Variants in PIK3C2G observed in about 807,000 individuals in gnomAD.
PIK3C2G encodes the protein phosphatidylinositol-4-phosphate 3-kinase catalytic subunit type 2 gamma, also known as phosphatidylinositol 3-kinase C2 domain-containing subunit gamma.
In PIK3C2G, 168 loss-of-function variants were observed where a neutral mutation model predicts 181.1. The ratio of observed to expected loss-of-function variants is 0.93; its 90% CI spans 0.82 to 1.05. PIK3C2G has a LOEUF of 1.05. PIK3C2G is among the 50% of genes least tolerant of loss of function. The probability of loss-of-function intolerance (pLI) is 0.00; values close to 1 mark genes in which losing one functional copy is unlikely to be tolerated. For synonymous variants in PIK3C2G, 573 were observed against 592.2 expected (o/e 0.97, Z 0.47); for missense variants, 1,869 against 1,732.8 (o/e 1.08, Z -1.40).
intron 1 of PIK3C2G, among the ~76,000 whole-genome samples, chr12:18,275,451 G>T (rs577788786): frequency 6.6e-6 from 1 of 151,930 alleles, no homozygotes; most frequent in Non-Finnish European, 1.5e-5. Context: ...ACATGATCTC[G>T]ACTCAGTGCA....
At chr12:18,442,470 G>T (rs1215579626) in intron 18 of PIK3C2G, among the ~76,000 whole-genome samples, 1 of 151,942 alleles carries the variant, frequency 6.6e-6, no homozygotes, top group Non-Finnish European at 1.5e-5. Context: ...CTCAAGGAAA[G>T]AAAAATAAAA....
chr12:18,469,034 T>C (rs958595184), intron 18 of PIK3C2G, among the ~76,000 whole-genome samples: 1 of 152,098 alleles, frequency 6.6e-6, no homozygotes, highest in Non-Finnish European at 1.5e-5. Flanking sequence ...TAATCCATCT[T>C]TGCAGCAAAA....
chr12:18,440,920 C>T (rs1021888441), intron 18 of PIK3C2G, among the ~76,000 whole-genome samples: 6 of 151,968 alleles, frequency 3.9e-5, no homozygotes, highest in South Asian at 2.1e-4. Flanking sequence ...AGAAAATTAT[C>T]AACATATACG....
At chr12:18,624,445 G>C (rs1949002248) in intron 31 of PIK3C2G, among the ~76,000 whole-genome samples, 1 of 151,670 alleles carries the variant, frequency 6.6e-6, no homozygotes, top group African/African-American at 2.4e-5. Flanking sequence ...GTATTTTGTT[G>C]AGGATTTTCA....
At chr12:18,528,452 A>G (rs1943364141) in intron 24 of PIK3C2G, among the ~76,000 whole-genome samples, 1 of 152,186 alleles carries the variant, frequency 6.6e-6, no homozygotes, top group South Asian at 2.1e-4. Context: ...GTTAATAATA[A>G]AAACAAAATG....
chr12:18,340,618 T>G (rs2137614977), intron 9 of PIK3C2G, among the ~76,000 whole-genome samples: 1 of 152,282 alleles, frequency 6.6e-6, no homozygotes, highest in Admixed American at 6.5e-5. Flanking sequence ...CAAGAGCTGA[T>G]AAAATACATG....
At chr12:18,583,591 A>G (rs926091668) in intron 29 of PIK3C2G, among the ~76,000 whole-genome samples, 1 of 152,116 alleles carries the variant, frequency 6.6e-6, no homozygotes, top group African/African-American at 2.4e-5. Flanking sequence ...CCAGACCCCC[A>G]GCACAGAGCA....
chr12:18,461,685 A>G (rs1185909266), intron 18 of PIK3C2G, among the ~76,000 whole-genome samples: 3 of 152,230 alleles, frequency 2.0e-5, no homozygotes, highest in African/African-American at 4.8e-5. Flanking sequence ...GAAGCTCCAG[A>G]AAGCTAAATA....
intron 9 of PIK3C2G, among the ~76,000 whole-genome samples, chr12:18,341,296 T>C (rs1334754349): frequency 6.6e-6 from 1 of 152,178 alleles, no homozygotes; most frequent in African/African-American, 2.4e-5. Context: ...GGGTATTTCA[T>C]AGGAAAGCCA....
intron 30 of PIK3C2G, among the ~76,000 whole-genome samples, 179 bp from the exon 31 acceptor site, chr12:18,609,356 C>G (rs959709436): frequency 2.6e-5 from 4 of 152,102 alleles, no homozygotes; most frequent in African/African-American, 7.2e-5. Context: ...AGATTAGACA[C>G]AAATCCCATC....
intron 8 of PIK3C2G, 127 bp downstream of exon 8, chr12:18,325,225 G>C (rs898327573): frequency 6.6e-6 from 4 of 608,676 alleles, no homozygotes; most frequent in Non-Finnish European, 1.2e-5. Context: ...CACTTGAAAG[G>C]CTTTCATTTC....
At chr12:18,422,792 G>A in intron 17 of PIK3C2G, among the ~76,000 whole-genome samples, 1 of 152,062 alleles carries the variant, frequency 6.6e-6, no homozygotes, top group Admixed American at 6.6e-5. Flanking sequence ...CATACCTCCT[G>A]CTCATATGCT....
intron 16 of PIK3C2G, among the ~76,000 whole-genome samples, chr12:18,401,955 A>G (rs1944270396): frequency 6.6e-6 from 1 of 152,132 alleles, no homozygotes; most frequent in South Asian, 2.1e-4. Context: ...CCAATTGGAA[A>G]ACAGTGTGAC....
intron 24 of PIK3C2G, among the ~76,000 whole-genome samples, chr12:18,531,612 T>A (rs955807970): frequency 6.6e-5 from 10 of 152,206 alleles, no homozygotes; most frequent in African/African-American, 1.7e-4. Context: ...TTCAAGTATG[T>A]TATATAAATA....
chr12:18,329,503 G>A (rs1937691434), intron 8 of PIK3C2G, among the ~76,000 whole-genome samples: 1 of 151,768 alleles, frequency 6.6e-6, no homozygotes, highest in Non-Finnish European at 1.5e-5. Flanking sequence ...TTCTTTCTAA[G>A]GTCTCCATGA....
In PIK3C2G at chr12:18,362,823, T is replaced by A; in HGVS notation, c.1685T>A (p.Val562Glu). The change falls in exon 12 of 33, where the codon GTG (valine) becomes GAG (glutamate). Residue 562 changes from valine (V) to glutamate (E), a missense_variant. Val to Glu is a moderately radical substitution (Grantham distance 121). Transcript: ENST00000538779. ...TATGCTGGAAAGAAGCTGTGCCAAG[T>A]GAGAAACTACAGAAATATTCCAGAC... ...LTYAGKKLCQ[V>E]RNYRNIPDKK... 6.6e-7 allele frequency: 1 copy of A among 1,523,092 alleles called. No homozygotes were observed. The highest frequency in any genetic ancestry group is 8.8e-7 in the Non-Finnish European group (1 of 1,139,936). The allele number at this position is 1,523,092 out of a possible 1,614,324, so 94.3% of individuals were successfully genotyped here.
downstream of PIK3C2G, among the ~76,000 whole-genome samples, chr12:18,651,599 A>T (rs1228193269): frequency 6.6e-6 from 1 of 152,038 alleles, no homozygotes; most frequent in Admixed American, 6.6e-5. Context: ...TCTAGTTGTG[A>T]CTCAGAAACA....
chr12:18,300,726 G>A (rs1157764096), intron 5 of PIK3C2G, among the ~76,000 whole-genome samples: 1 of 151,930 alleles, frequency 6.6e-6, no homozygotes, highest in Non-Finnish European at 1.5e-5. Context: ...CTGCCACTTG[G>A]TGGTTTTCTG....
intron 16 of PIK3C2G, among the ~76,000 whole-genome samples, chr12:18,410,495 A>G (rs560491285): frequency 1.4e-5 from 2 of 144,666 alleles, no homozygotes; most frequent in South Asian, 4.4e-4. Flanking sequence ...ACAGAGTGAG[A>G]CTCCATCTCA....
Sources: allele counts gnomAD v4.1 joint callset (sites outside exome capture counted in the v4.1 genomes callset), GRCh38; gene constraint gnomAD v4.1.1; transcripts MANE v1.5; gene names NCBI Gene and HGNC (gene_info 2026-07-23, HGNC 2026-07-21).